GLIS1: variants seen among roughly 807,000 people sequenced by gnomAD.
GLIS1 encodes the protein zinc finger protein GLIS1.
A neutral mutation model predicts 63.8 loss-of-function variants in GLIS1; 24 were observed. The observed-to-expected ratio is 0.38, with a 90% CI of 0.27 to 0.53. The LOEUF (loss-of-function observed/expected upper bound fraction) is 0.53. GLIS1 is among the 20% of genes least tolerant of loss of function. The pLI, the probability that GLIS1 is intolerant of heterozygous loss-of-function variation, is 0.85. For missense variants in GLIS1, 1,036 were observed against 1,074.1 expected (o/e 0.96, Z 0.50); for synonymous variants, 450 against 482.5 (o/e 0.93, Z 0.88).
chr1:53,622,506 A>G (rs1429847544), intron 2 of GLIS1, among the ~76,000 whole-genome samples: 1 of 151,886 alleles, frequency 6.6e-6, no homozygotes, highest in East Asian at 1.9e-4. Context: ...GGTGAATGTT[A>G]TCTTATTTGG....
At chr1:53,597,367 A>AG (rs1645269556) in intron 3 of GLIS1, among the ~76,000 whole-genome samples, 1 of 141,588 alleles carries the variant, frequency 7.1e-6, no homozygotes, top group African/African-American at 2.7e-5. Context: ...AGCGAGACCC[A>AG]GAAAAAAAAA....
At chr1:53,645,706 GTAA>G (rs1452628386) in intron 2 of GLIS1, among the ~76,000 whole-genome samples, 1 of 152,218 alleles carries the variant, frequency 6.6e-6, no homozygotes, top group Admixed American at 6.5e-5. Context: ...GTAACCACAA[GTAA>G]TAAGTGTTTT....
chr1:53,662,056 G>A (rs1570006878), intron 2 of GLIS1, among the ~76,000 whole-genome samples: 1 of 152,144 alleles, frequency 6.6e-6, no homozygotes, highest in African/African-American at 2.4e-5. Flanking sequence ...TCAAGGGGCT[G>A]AACTGCTGCT....
chr1:53,514,746 G>C lies in GLIS1; in HGVS notation c.1762C>G (p.Leu588Val), dbSNP rs751828341. Residue 588 changes from leucine to valine, a missense_variant, in exon 8 of 11, where the codon CTT (leucine) becomes GTT (valine). Coordinates refer to ENST00000628545, the MANE Select transcript of GLIS1 (RefSeq NM_001367484.1). ...YPGSITPHNGLASGLLPPAHD... is the reference protein window; with the variant it reads ...YPGSITPHNGVASGLLPPAHD... Reference sequence around the variant, plus strand: ...GCTGGGGGCAGGAGGCCCGATGCAAGTCCGTTATGGGGGGTGATGGAGCCA... The same window carrying C: ...GCTGGGGGCAGGAGGCCCGATGCAACTCCGTTATGGGGGGTGATGGAGCCA... 6.2e-7 allele frequency: 1 copy of C among 1,608,940 alleles called. No homozygotes were observed. The highest frequency in any genetic ancestry group is 8.5e-7 in the Non-Finnish European group (1 of 1,177,576).
In GLIS1 at chr1:53,528,833, A is replaced by T. The variant is rs894878620; in HGVS notation, c.1482+958T>A. ...CTCTGACCCACAGAGTTCCCCAAACACCTGCAGGAAGCATAGAGAAACCAG... is the reference window on the plus strand; with the variant it reads ...CTCTGACCCACAGAGTTCCCCAAACTCCTGCAGGAAGCATAGAGAAACCAG... On this transcript the variant is annotated intron_variant, in intron 5 of 10. Transcript: ENST00000628545. Among the ~76,000 whole-genome samples the T allele has an allele frequency of 4.1e-4, 62 of 151,934 alleles. 1 individual carries two copies. The highest frequency in any genetic ancestry group is 1.5e-3 in the African/African-American group (61 of 41,370).
At chr1:53,713,308 T>C (rs1186243184) in intron 2 of GLIS1, among the ~76,000 whole-genome samples, 6 of 67,572 alleles carry the variant, frequency 8.9e-5, no homozygotes, top group East Asian at 5.2e-4. Context: ...TGGTGAGACC[T>C]CATCTCTTCA....
intron 2 of GLIS1, among the ~76,000 whole-genome samples, chr1:53,675,843 A>C (rs1354792403): frequency 6.6e-6 from 1 of 151,924 alleles, no homozygotes; most frequent in East Asian, 1.9e-4. Flanking sequence ...CTTCTTCACC[A>C]AAACCTCCCC....
Position 53,529,968 on chromosome 1 carries a change from G to A in GLIS1, c.1321-16C>T, listed in dbSNP as rs377640000. 6.1e-5 allele frequency: 98 copies of A among 1,610,354 alleles called. No homozygotes were observed. Among genetic ancestry groups the A allele is most frequent in the Admixed American group, 1.7e-5 (1 of 59,840 alleles). ...AGCCTTCAAACTGCAGGAGAGGCTG[G>A]TGAGGGGAACTCCCAGCCCGGTGGG... On this transcript the variant is annotated splice_polypyrimidine_tract_variant and intron_variant, in intron 4 of 10. Transcript: ENST00000628545.
chr1:53,653,500 C>G (rs1052875864), intron 2 of GLIS1, among the ~76,000 whole-genome samples: 6 of 152,166 alleles, frequency 3.9e-5, no homozygotes, highest in African/African-American at 1.4e-4. Flanking sequence ...CTCGTGGTCT[C>G]TTTCTGCAAG....
chr1:53,699,971 AAC>A (rs1646505841), intron 2 of GLIS1, among the ~76,000 whole-genome samples: 1 of 152,164 alleles, frequency 6.6e-6, no homozygotes, highest in African/African-American at 2.4e-5. Context: ...ACAACCCTAA[AAC>A]ACAGAGAGGT....
At chr1:53,514,183 C>T (rs1360918786) in intron 8 of GLIS1, among the ~76,000 whole-genome samples, 1 of 152,200 alleles carries the variant, frequency 6.6e-6, no homozygotes, top group Non-Finnish European at 1.5e-5. Flanking sequence ...GCTGCAGTGG[C>T]TGGAGGTGGG....
intron 2 of GLIS1, among the ~76,000 whole-genome samples, chr1:53,647,294 G>A (rs1645857190): frequency 6.6e-6 from 1 of 152,172 alleles, no homozygotes; most frequent in East Asian, 1.9e-4. Flanking sequence ...GAATAAGGTA[G>A]ATATCAAGAC....
chr1:53,607,600 G>A (rs565877164), intron 2 of GLIS1, among the ~76,000 whole-genome samples: 2 of 152,350 alleles, frequency 1.3e-5, no homozygotes, highest in Non-Finnish European at 2.9e-5. Flanking sequence ...TCATGCAGCT[G>A]TGAAATGGGA....
At chr1:53,665,632 T>C (rs1646083017) in intron 2 of GLIS1, among the ~76,000 whole-genome samples, 1 of 152,094 alleles carries the variant, frequency 6.6e-6, no homozygotes, top group Non-Finnish European at 1.5e-5. Context: ...CTGGGCAGCA[T>C]AGCTAGACCC....
chr1:53,594,088 G>C lies in GLIS1; in HGVS notation c.1320+20C>G. On this transcript the variant is annotated intron_variant, in intron 4 of 10. Transcript: ENST00000628545. ...TGCCAGAGGGGCTGGGGTGAGGCCT[G>C]GCGGCCGGTGGGAACTCACCATGCA... 1.3e-6 allele frequency: 2 copies of C among 1,586,174 alleles called. No individual in the cohort carries two copies. Among genetic ancestry groups the C allele is most frequent in the Non-Finnish European group, 1.7e-6 (2 of 1,163,262 alleles).
At chr1:53,663,550 G>T (rs1175217633) in intron 2 of GLIS1, among the ~76,000 whole-genome samples, 1 of 152,260 alleles carries the variant, frequency 6.6e-6, no homozygotes, top group Non-Finnish European at 1.5e-5. Flanking sequence ...CCAGAGGGGA[G>T]AACCCCAAGC....
intron 2 of GLIS1, among the ~76,000 whole-genome samples, chr1:53,722,619 T>C (rs1420074671): frequency 6.6e-6 from 1 of 152,116 alleles, no homozygotes; most frequent in Non-Finnish European, 1.5e-5. Context: ...GGTGGGAGTA[T>C]TGCTTGAACC....
In GLIS1 at chr1:53,703,704, A is replaced by G. The variant is rs529391789; in HGVS notation, c.259+34102T>C. Among the ~76,000 whole-genome samples, 8 of 151,920 alleles carry G rather than the reference A, an allele frequency of 5.3e-5. 1 individual carries two copies. In the South Asian group the frequency reaches 1.7e-3, roughly 32 times the overall value. On this transcript the variant is annotated intron_variant, in intron 2 of 10. Transcript: ENST00000628545. The stretch of plus-strand genomic sequence containing the variant: ...TCCAAATAGATCAAGGCAATAGGAC[A>G]GCCCTTGACCTAAAGAGACCACAGA...
At chr1:53,673,830 A>G (rs113258983) in intron 2 of GLIS1, among the ~76,000 whole-genome samples, 13 of 152,336 alleles carry the variant, frequency 8.5e-5, no homozygotes, top group African/African-American at 3.1e-4. Context: ...TGAAGGCAAG[A>G]ATGCATGGAA....
Sources: allele counts gnomAD v4.1 joint callset (sites outside exome capture counted in the v4.1 genomes callset), GRCh38; gene constraint gnomAD v4.1.1; transcripts MANE v1.5; gene names NCBI Gene and HGNC (gene_info 2026-07-23, HGNC 2026-07-21).